GRIN2A: variants seen among roughly 807,000 people sequenced by gnomAD.
GRIN2A encodes the protein glutamate receptor ionotropic, NMDA 2A.
GRIN2A carries 22 observed loss-of-function variants against 113.4 expected under a neutral mutation model. That is an observed-to-expected ratio of 0.19 (90% confidence interval 0.14 to 0.28). The LOEUF (loss-of-function observed/expected upper bound fraction) is 0.28. Among genes scored for constraint, GRIN2A ranks in the 10% least tolerant of loss-of-function variants. The probability of loss-of-function intolerance (pLI) is 1.00; values close to 1 mark genes in which losing one functional copy is unlikely to be tolerated. For synonymous variants in GRIN2A, 827 were observed against 738.4 expected, an observed-to-expected ratio of 1.12 and a Z score of -1.94; for missense variants, 1,502 against 1,887.0, an observed-to-expected ratio of 0.80 and a Z score of 3.78.
At chr16:9,773,957 AGGGT>A (rs1337788409) in intron 11 of GRIN2A, among the ~76,000 whole-genome samples, 20 of 62,072 alleles carry the variant, frequency 3.2e-4, no homozygotes, top group African/African-American at 6.0e-4. Flanking sequence ...GGAACAGGCA[AGGGT>A]AATTGAGGCA....
chr16:9,987,097 A>G (rs2045992059), intron 2 of GRIN2A, among the ~76,000 whole-genome samples: 1 of 151,964 alleles, frequency 6.6e-6, no homozygotes, highest in African/African-American at 2.4e-5. Flanking sequence ...TGTATTAGGG[A>G]CTCCACTTTT....
chr16:9,756,670 T>C lies in GRIN2A; in HGVS notation c.*6479A>G. ...TTATATCTTAAGGTTGTTTTGAGGA[T>C]CACATTCTAGGATATGCCTAGAATA... On this transcript the variant is annotated 3_prime_UTR_variant, in exon 13 of 13. Transcript: ENST00000330684. The C allele has an allele frequency of 5.2e-6, 1 of 190,758 alleles. No individual in the cohort carries two copies. Among genetic ancestry groups the C allele is most frequent in the Non-Finnish European group, 1.1e-5 (1 of 90,950 alleles). The allele number at this position is 190,758 out of a possible 1,614,324, so 11.8% of individuals were successfully genotyped here.
In GRIN2A at chr16:9,937,979, G is replaced by A; in HGVS notation, c.987C>T (p.Val329=). 1 of 1,613,556 alleles carries A rather than the reference G, an allele frequency of 6.2e-7. No homozygotes were observed. Among genetic ancestry groups the A allele is most frequent in the Non-Finnish European group, 8.5e-7 (1 of 1,179,602 alleles). The change falls in exon 3 of 13, where the codon GTC becomes GTT. Residue 329 remains valine (V), a synonymous_variant. Transcript: ENST00000330684. ...CTTACGGGTGCAAGGTGTGCATCGGGACCTCTGGCCTCTCCATCTGCCCGT... is the reference window on the plus strand; with the variant it reads ...CTTACGGGTGCAAGGTGTGCATCGGAACCTCTGGCCTCTCCATCTGCCCGT... ...SCYGQMERPE[V]PMHTLHPFMV... is the part of the protein sequence containing the mutation.
intron 2 of GRIN2A, among the ~76,000 whole-genome samples, chr16:9,966,247 T>A (rs1215415031): frequency 6.6e-6 from 1 of 152,146 alleles, no homozygotes; most frequent in African/African-American, 2.4e-5. Context: ...ATTAGTTACT[T>A]TCCCGACTCT....
intron 3 of GRIN2A, among the ~76,000 whole-genome samples, chr16:9,928,426 G>T (rs2044513886): frequency 6.6e-6 from 1 of 152,166 alleles, no homozygotes; most frequent in Non-Finnish European, 1.5e-5. Context: ...TTTGCTGCAT[G>T]CTTCTCCCTT....
intron 2 of GRIN2A, among the ~76,000 whole-genome samples, chr16:9,983,442 CTTTTT>C (rs149545344): frequency 7.1e-6 from 1 of 141,636 alleles, no homozygotes. Context: ...GTTATTTATT[CTTTTT>C]TTTTTTTTTT....
At chr16:9,992,724 T>G (rs1233490177) in intron 2 of GRIN2A, among the ~76,000 whole-genome samples, 4 of 152,136 alleles carry the variant, frequency 2.6e-5, no homozygotes, top group African/African-American at 7.2e-5. Context: ...AAGGCAGCTG[T>G]GCAAAATACA....
chr16:10,035,656 T>G (rs1471616220), intron 2 of GRIN2A, among the ~76,000 whole-genome samples: 1 of 151,644 alleles, frequency 6.6e-6, no homozygotes, highest in African/African-American at 2.4e-5. Context: ...GAATCTGCAT[T>G]CCCAAGTGAT....
At chr16:10,040,507 AC>A (rs1342285273) in intron 2 of GRIN2A, among the ~76,000 whole-genome samples, 1 of 151,762 alleles carries the variant, frequency 6.6e-6, no homozygotes, top group Non-Finnish European at 1.5e-5. Flanking sequence ...ACACATCCAC[AC>A]CACAAACACA....
chr16:10,039,477 C>T (rs1309459557), intron 2 of GRIN2A, among the ~76,000 whole-genome samples: 2 of 151,972 alleles, frequency 1.3e-5, no homozygotes, highest in African/African-American at 4.8e-5. Flanking sequence ...GTTTGAAAAT[C>T]GAGACGCTAA....
chr16:10,089,498 C>T (rs7193324), intron 2 of GRIN2A, among the ~76,000 whole-genome samples: 4,829 of 151,982 alleles, frequency 0.032, 249 homozygotes, highest in African/African-American at 0.11. Flanking sequence ...GCAGTTGATA[C>T]AGGTTATGGT....
intron 2 of GRIN2A, among the ~76,000 whole-genome samples, chr16:10,094,853 T>C (rs1169574810): frequency 6.9e-6 from 1 of 145,290 alleles, no homozygotes; most frequent in Non-Finnish European, 1.5e-5. Context: ...AAGAGCATCT[T>C]ATTGTTCCAG....
In GRIN2A at chr16:9,967,564, G is replaced by C. The variant is rs192255886; in HGVS notation, c.415-29013C>G. ...TACTAAAAATACAAAAATTAGCCGG[G>C]CGTGCTGGCGTGCGCCTGTAGTCTC... On this transcript the variant is annotated intron_variant, in intron 2 of 12. Coordinates refer to ENST00000330684, the MANE Select transcript of GRIN2A (RefSeq NM_001134407.3). 2.8e-3 allele frequency among the ~76,000 whole-genome samples: 430 copies of C among 152,272 alleles called. 5 individuals carry two copies. Among genetic ancestry groups the C allele is most frequent in the Admixed American group, 3.1e-3 (47 of 15,306 alleles).
intron 2 of GRIN2A, among the ~76,000 whole-genome samples, chr16:10,011,811 T>C (rs1448331011): frequency 6.6e-6 from 1 of 152,228 alleles, no homozygotes; most frequent in Admixed American, 6.5e-5. Context: ...TGGTTCACCA[T>C]GATGCCTGTC....
chr16:9,833,461 T>A (rs1207075224), intron 8 of GRIN2A, among the ~76,000 whole-genome samples: 1 of 152,242 alleles, frequency 6.6e-6, no homozygotes, highest in African/African-American at 2.4e-5. Context: ...AGACTGAAGT[T>A]GAAACCCATG....
chr16:10,154,932 G>A (rs7501071), intron 2 of GRIN2A, among the ~76,000 whole-genome samples: 45,133 of 152,150 alleles, frequency 0.3, 7,319 homozygotes, highest in East Asian at 0.55. Flanking sequence ...ATAAAAAACA[G>A]AAGGGGAGTC....
chr16:9,783,422 A>T (rs1418073342), intron 11 of GRIN2A, among the ~76,000 whole-genome samples: 1 of 152,250 alleles, frequency 6.6e-6, no homozygotes. Context: ...TAGTCAATAA[A>T]TGAAAATGAA....
intron 4 of GRIN2A, among the ~76,000 whole-genome samples, chr16:9,858,415 A>C (rs1002878157): frequency 6.6e-6 from 1 of 152,152 alleles, no homozygotes; most frequent in African/African-American, 2.4e-5. Flanking sequence ...ACTTAAAAGC[A>C]GTTCTCAATT....
intron 2 of GRIN2A, among the ~76,000 whole-genome samples, chr16:10,022,184 T>C (rs890250049): frequency 1.5e-4 from 23 of 152,032 alleles, no homozygotes; most frequent in Middle Eastern, 3.4e-3. Context: ...GCTTGATAAA[T>C]ATGTGTTGAA....
Sources: gnomAD v4.1 joint callset for allele counts (sites outside exome capture counted in the v4.1 genomes callset) on GRCh38, gnomAD v4.1.1 for gene constraint, MANE v1.5 for transcripts, NCBI Gene and HGNC (gene_info 2026-07-23, HGNC 2026-07-21) for gene names.